Variants in TRAPPC9 observed in about 807,000 individuals in gnomAD.
The protein encoded by TRAPPC9 is trafficking protein particle complex subunit 9, also known as IKK2 binding protein.
A neutral mutation model predicts 124.0 loss-of-function variants in TRAPPC9; 83 were observed. The observed-to-expected ratio is 0.67, with a 90% confidence interval of 0.56 to 0.80. The LOEUF (loss-of-function observed/expected upper bound fraction) is 0.80, where lower values mean the gene tolerates loss of function less well. Among genes scored for constraint, TRAPPC9 ranks in the 30% least tolerant of loss-of-function variants. The probability of loss-of-function intolerance (pLI) is 0.00; values close to 1 mark genes in which losing one functional copy is unlikely to be tolerated. For missense variants in TRAPPC9, 1,302 were observed against 1,508.3 expected, an observed-to-expected ratio of 0.86 and a Z score of 2.27; for synonymous variants, 638 against 617.5, an observed-to-expected ratio of 1.03 and a Z score of -0.49.
At chr8:139,735,666 T>C (rs56362843) in intron 21 of TRAPPC9, among the ~76,000 whole-genome samples, 2 of 146,084 alleles carry the variant, frequency 1.4e-5, no homozygotes, top group East Asian at 2.0e-4. Context: ...CTGTTTTTTT[T>C]TTTTGTTTTG....
rs370653531 is a variant in TRAPPC9, at chr8:139,838,270, A to G, written c.3055+47609T>C. Among the ~76,000 whole-genome samples the G allele has an allele frequency of 4.6e-5, 7 of 152,214 alleles. No individual in the cohort carries two copies. In the East Asian group the frequency reaches 1.4e-3, roughly 29 times the overall value. ...CCTGCCCCCTGTGCTGGGCACACGC[A>G]CCTGCCTTTACCTGTTCTCCCACTT... On this transcript the variant is annotated intron_variant, in intron 21 of 22. Coordinates refer to ENST00000438773, the MANE Select transcript of TRAPPC9 (RefSeq NM_001160372.4).
At chr8:139,905,624 T>C (rs1454442103) in intron 20 of TRAPPC9, among the ~76,000 whole-genome samples, 2 of 152,146 alleles carry the variant, frequency 1.3e-5, no homozygotes, top group Non-Finnish European at 2.9e-5. Context: ...GGAAACTGCC[T>C]GTGTCTGACC....
At chr8:140,218,139 C>G (rs543996018) in intron 17 of TRAPPC9, among the ~76,000 whole-genome samples, 1 of 152,092 alleles carries the variant, frequency 6.6e-6, no homozygotes, top group African/African-American at 2.4e-5. Context: ...CAGAGCTGCA[C>G]GACGCCACCA....
At position 140,419,443 on chromosome 8, in the gene TRAPPC9, A is replaced by C. The variant is rs566277852; in HGVS notation, c.886+7172T>G. Among the ~76,000 whole-genome samples, 495 of 134,156 alleles carry C rather than the reference A, an allele frequency of 3.7e-3. 4 individuals carry two copies. The highest frequency in any genetic ancestry group is 8.6e-3 in the Middle Eastern group (2 of 232). 88.0% of individuals were successfully genotyped at this position (134,156 alleles called of 152,430 possible). On this transcript the variant is annotated intron_variant, in intron 5 of 22. Coordinates refer to ENST00000438773, the MANE Select transcript of TRAPPC9 (RefSeq NM_001160372.4). ...GACTCCGTCTCAAAAAAAAAAAAAA[A>C]AAAAAAAAACAAAACAAAACAAAAA...
At chr8:139,743,479 T>C (rs1243494588) in intron 21 of TRAPPC9, among the ~76,000 whole-genome samples, 2 of 152,266 alleles carry the variant, frequency 1.3e-5, no homozygotes, top group African/African-American at 4.8e-5. Flanking sequence ...CTATCCAGCC[T>C]GCCTCAGCTA....
chr8:140,321,394 A>G (rs2066592862), intron 9 of TRAPPC9, among the ~76,000 whole-genome samples: 2 of 152,252 alleles, frequency 1.3e-5, no homozygotes, highest in South Asian at 4.1e-4. Flanking sequence ...GACTGCCTCA[A>G]AAGCAGAGTT....
At chr8:140,431,433 G>T (rs1294365739) in intron 4 of TRAPPC9, among the ~76,000 whole-genome samples, 10 of 151,764 alleles carry the variant, frequency 6.6e-5, no homozygotes, top group African/African-American at 2.4e-4. Flanking sequence ...GCGACAGAGT[G>T]AGACTCTGTC....
intron 9 of TRAPPC9, among the ~76,000 whole-genome samples, chr8:140,321,788 G>A (rs937234180): frequency 1.3e-5 from 2 of 152,232 alleles, no homozygotes; most frequent in African/African-American, 4.8e-5. Context: ...CTGAGGCTGA[G>A]GGCAGGCAGG....
In TRAPPC9 at chr8:140,101,419, A is replaced by G. The variant is rs574822013; in HGVS notation, c.2557-77340T>C. ...CCAGCTAGAATTACAGGCCTGAGCC[A>G]CTGTGCCTGGCCATTAAAATAAGCA... On this transcript the variant is annotated intron_variant, in intron 17 of 22. Transcript: ENST00000438773. Among the ~76,000 whole-genome samples, 5 of 152,000 alleles carry G rather than the reference A, an allele frequency of 3.3e-5. No homozygotes were observed. The East Asian group carries it at 9.8e-4, about 30-fold the overall frequency.
chr8:140,420,986 T>C (rs559496900), intron 5 of TRAPPC9, among the ~76,000 whole-genome samples: 1 of 152,314 alleles, frequency 6.6e-6, no homozygotes, highest in Non-Finnish European at 1.5e-5. Flanking sequence ...CCTAAATTCC[T>C]AGCGTTTTGG....
chr8:139,964,692 G>GT (rs1835584559), intron 19 of TRAPPC9, among the ~76,000 whole-genome samples: 1 of 117,244 alleles, frequency 8.5e-6, no homozygotes, highest in Non-Finnish European at 1.7e-5. Context: ...ATAAAGCCTA[G>GT]TTATTTAAGA....
In TRAPPC9 at chr8:139,752,978, TCCATCCATCCATCCAACTTCTAC is replaced by T. The variant is rs1441786702; in HGVS notation, c.3056-20799_3056-20777del. On this transcript the variant is annotated intron_variant, in intron 21 of 22. Coordinates refer to ENST00000438773, the MANE Select transcript of TRAPPC9 (RefSeq NM_001160372.4). ...CATCCATCAATCCAAAATCTACCCA[TCCATCCATCCATCCAACTTCTAC>T]CCATCCATCCACCCATCTACCATCC... is the stretch of plus-strand genomic sequence containing the variant. Among the ~76,000 whole-genome samples, 112 of 145,850 alleles carry T rather than the reference TCCATCCATCCATCCAACTTCTAC, an allele frequency of 7.7e-4. 1 individual carries two copies. Among genetic ancestry groups the T allele is most frequent in the African/African-American group, 2.7e-3 (105 of 38,914 alleles).
chr8:140,060,366 T>C (rs1587617501), intron 17 of TRAPPC9, among the ~76,000 whole-genome samples: 1 of 152,188 alleles, frequency 6.6e-6, no homozygotes, highest in East Asian at 1.9e-4. Context: ...TCTCCATGTG[T>C]TCAGCTTAGG....
At chr8:140,341,859 T>G (rs1488604641) in intron 9 of TRAPPC9, among the ~76,000 whole-genome samples, 2 of 152,048 alleles carry the variant, frequency 1.3e-5, no homozygotes, top group African/African-American at 4.8e-5. Flanking sequence ...GCACAGCAGC[T>G]AAGTCTCTCT....
At chr8:140,294,808 A>G (rs985565683) in intron 11 of TRAPPC9, among the ~76,000 whole-genome samples, 1 of 152,114 alleles carries the variant, frequency 6.6e-6, no homozygotes, top group Non-Finnish European at 1.5e-5. Context: ...ACAGGGATTC[A>G]CCATGTTGGC....
chr8:139,884,458 C>T (rs142144876), intron 21 of TRAPPC9, among the ~76,000 whole-genome samples: 2 of 152,314 alleles, frequency 1.3e-5, no homozygotes, highest in East Asian at 1.9e-4. Context: ...GCTCTTGGGC[C>T]CCTGTTCTGC....
chr8:140,315,233 C>CTTTTTTTTTTTTTTTTTTTTTGTTT (rs61220260), intron 9 of TRAPPC9, among the ~76,000 whole-genome samples: 1 of 107,178 alleles, frequency 9.3e-6, no homozygotes, highest in Non-Finnish European at 1.9e-5. Flanking sequence ...ATTTGTATGT[C>CTTTTTTTTTTTTTTTTTTTTTGTTT]TTTTTTTTTT....
chr8:139,843,340 C>A (rs1426922489), intron 21 of TRAPPC9, among the ~76,000 whole-genome samples: 1 of 152,226 alleles, frequency 6.6e-6, no homozygotes, highest in South Asian at 2.1e-4. Flanking sequence ...TGGCTCACTG[C>A]TCTCTGGGAC....
intron 6 of TRAPPC9, among the ~76,000 whole-genome samples, chr8:140,402,488 G>A (rs1185713942): frequency 1.8e-4 from 27 of 151,362 alleles, no homozygotes. Flanking sequence ...TGAGCCAGAA[G>A]TTCAAGACAA....
Sources: allele counts gnomAD v4.1 joint callset (sites outside exome capture counted in the v4.1 genomes callset), GRCh38; gene constraint gnomAD v4.1.1; transcripts MANE v1.5; gene names NCBI Gene and HGNC (gene_info 2026-07-23, HGNC 2026-07-21).